Variants in ACACB observed in about 807,000 individuals in gnomAD.
ACACB encodes acetyl-CoA carboxylase 2.
Under a neutral mutation model 278.8 loss-of-function variants are expected in ACACB, and 209 were observed. That is an observed-to-expected ratio of 0.75 (90% CI 0.67 to 0.84). The LOEUF (loss-of-function observed/expected upper bound fraction) is 0.84, where lower values mean the gene tolerates loss of function less well. Ranked by LOEUF, ACACB falls within the 40% of genes least tolerant of loss-of-function variation. The probability of loss-of-function intolerance (pLI) is 0.00; values close to 1 mark genes in which losing one functional copy is unlikely to be tolerated. For synonymous variants in ACACB, 1,174 were observed against 1,285.6 expected (o/e 0.91, Z 1.86); for missense variants, 2,850 against 3,269.0 (o/e 0.87, Z 3.13).
intron 11 of ACACB, among the ~76,000 whole-genome samples, chr12:109,180,465 C>T (rs1460594868): frequency 6.6e-6 from 1 of 152,142 alleles, no homozygotes; most frequent in Non-Finnish European, 1.5e-5. Context: ...AGATTTTCTT[C>T]ACTCCCAAGA....
At chr12:109,210,150 T>C (rs558421702) in intron 21 of ACACB, among the ~76,000 whole-genome samples, 924 of 56,966 alleles carry the variant, frequency 0.016, 130 homozygotes, top group Non-Finnish European at 0.029. Context: ...TATGTATATA[T>C]ACACACGTGT....
chr12:109,143,824 G>A (rs2043177030), intron 2 of ACACB, among the ~76,000 whole-genome samples: 1 of 152,050 alleles, frequency 6.6e-6, no homozygotes, highest in Non-Finnish European at 1.5e-5. Context: ...TCTGGTGTTT[G>A]ACTGGATGAA....
Position 109,171,887 on chromosome 12 carries a change from G to A in ACACB, c.1008G>A (p.Val336=), listed in dbSNP as rs1451786470. 22 of 1,613,978 alleles carry A rather than the reference G, an allele frequency of 1.4e-5. No individual in the cohort carries two copies. The highest frequency in any genetic ancestry group is 1.9e-5 in the Non-Finnish European group (22 of 1,180,002). The change falls in exon 5 of 53, where the codon GTG becomes GTA. Residue 336 remains valine (V), a synonymous_variant. Coordinates refer to ENST00000338432, the MANE Select transcript of ACACB (RefSeq NM_001093.4). ...NNNYANVELI[V]DIAKRIPVQA... ...ACTATGCCAACGTGGAGCTGATTGT[G>A]GACATTGCCAAGAGAATCCCCGTGC...
intron 34 of ACACB, among the ~76,000 whole-genome samples, chr12:109,239,352 A>T (rs2046728083): frequency 6.6e-6 from 1 of 152,160 alleles, no homozygotes. Context: ...CCACATGGGG[A>T]GGCTCTGGGG....
At chr12:109,252,543 T>G (rs1371605711) in intron 42 of ACACB, 1 of 173,014 alleles carries the variant, frequency 5.8e-6, no homozygotes, top group Non-Finnish European at 1.2e-5. Context: ...GTATTCTACT[T>G]TTTTCACTGT....
chr12:109,216,401 T>G (rs1258109667), intron 22 of ACACB, among the ~76,000 whole-genome samples: 2 of 151,866 alleles, frequency 1.3e-5, no homozygotes, highest in South Asian at 4.2e-4. Flanking sequence ...TTTGTATTTT[T>G]AGTAGAGACA....
At position 109,235,660 on chromosome 12, in the gene ACACB, G is replaced by A. The variant is rs1268039229; in HGVS notation, c.4446+13G>A. The A allele has an allele frequency of 6.2e-7, 1 of 1,606,302 alleles. No individual in the cohort carries two copies. The highest frequency in any genetic ancestry group is 8.5e-7 in the Non-Finnish European group (1 of 1,173,746). On this transcript the variant is annotated intron_variant, in intron 33 of 52. Transcript: ENST00000338432. ...AGCAAGAGATGAGGTATGGCCAAAA[G>A]TAATGATGTTTTCTCTTCTCTAGCA...
At chr12:109,257,099 C>G (rs1325135502) in intron 45 of ACACB, among the ~76,000 whole-genome samples, 2 of 152,044 alleles carry the variant, frequency 1.3e-5, no homozygotes, top group Non-Finnish European at 2.9e-5. Context: ...CATGGCGAAA[C>G]CCCGTCTCTA....
chr12:109,177,921 C>T (rs1174276743), intron 9 of ACACB, among the ~76,000 whole-genome samples: 1 of 152,174 alleles, frequency 6.6e-6, no homozygotes, highest in African/African-American at 2.4e-5. Context: ...TTCCCACATA[C>T]CCCAGGCCCT....
intron 13 of ACACB, among the ~76,000 whole-genome samples, chr12:109,188,984 G>A (rs1029444633): frequency 6.6e-6 from 1 of 152,136 alleles, no homozygotes; most frequent in Non-Finnish European, 1.5e-5. Context: ...TGAGGCCTGT[G>A]ACAGCAGCCC....
At chr12:109,239,801 G>A (rs2046742187) in intron 34 of ACACB, 29 bp from the exon 35 acceptor site, 1 of 1,588,468 alleles carries the variant, frequency 6.3e-7, no homozygotes, top group Non-Finnish European at 8.6e-7. Context: ...CCCCTGGCCT[G>A]AGCAGCTGCC....
intron 41 of ACACB, among the ~76,000 whole-genome samples, chr12:109,250,708 A>T (rs112832505): frequency 1.7e-3 from 263 of 152,132 alleles, no homozygotes; most frequent in African/African-American, 6.1e-3. Context: ...TGGTGGTGGT[A>T]GTAGTAGTAG....
chr12:109,245,891 C>A, intron 38 of ACACB, 143 bp downstream of exon 38: 1 of 1,033,858 alleles, frequency 9.7e-7, no homozygotes, highest in Non-Finnish European at 1.4e-6. Flanking sequence ...AAGTTCAAGA[C>A]CAGCCTGGGC....
intron 22 of ACACB, among the ~76,000 whole-genome samples, chr12:109,216,245 G>A (rs1433429028): frequency 8.1e-6 from 1 of 123,264 alleles, no homozygotes; most frequent in Non-Finnish European, 1.7e-5. Context: ...TTTTTGAGAC[G>A]GAGTCTTGCT....
At chr12:109,187,943 A>G (rs192389784) in intron 12 of ACACB, 56 bp from the exon 13 acceptor site, 2 of 1,558,172 alleles carry the variant, frequency 1.3e-6, no homozygotes, top group East Asian at 4.6e-5. Flanking sequence ...AATTCTGATG[A>G]AAATATATCT....
intron 2 of ACACB, chr12:109,154,605 C>T (rs1248905437): frequency 4.3e-5 from 1 of 23,128 alleles, no homozygotes; most frequent in Non-Finnish European, 8.7e-5. Context: ...CCTCCTGGGG[C>T]GGGGTCGGTG....
chr12:109,207,706 C>T (rs1432181883), intron 20 of ACACB, among the ~76,000 whole-genome samples: 2 of 152,136 alleles, frequency 1.3e-5, no homozygotes, highest in East Asian at 1.9e-4. Flanking sequence ...TGAGAGGGAG[C>T]CTTGCTCTGT....
intron 46 of ACACB, 87 bp from the exon 47 acceptor site, chr12:109,258,886 C>T: frequency 6.5e-7 from 1 of 1,532,306 alleles, no homozygotes; most frequent in Non-Finnish European, 8.9e-7. Context: ...GATCGCCTGC[C>T]ATCCAGAGCG....
At chr12:109,165,847 C>T (rs749947853) in intron 2 of ACACB, among the ~76,000 whole-genome samples, 8 of 152,154 alleles carry the variant, frequency 5.3e-5, no homozygotes, top group Non-Finnish European at 1.0e-4. Context: ...GGATGACTCA[C>T]AAGATTGCAT....
Sources: gnomAD v4.1 joint callset for allele counts (sites outside exome capture counted in the v4.1 genomes callset) on GRCh38, gnomAD v4.1.1 for gene constraint, MANE v1.5 for transcripts, NCBI Gene and HGNC (gene_info 2026-07-23, HGNC 2026-07-21) for gene names.